XKR6: variants seen among roughly 807,000 people sequenced by gnomAD.
XKR6 encodes XK-related protein 6.
XKR6 carries 22 observed loss-of-function variants against 56.7 expected under a neutral mutation model. The ratio of observed to expected loss-of-function variants is 0.39; its 90% CI spans 0.28 to 0.55. The LOEUF is 0.55. XKR6 is among the 20% of genes least tolerant of loss of function. XKR6 has a pLI of 0.66. For missense variants in XKR6, 852 were observed against 889.0 expected (o/e 0.96, Z 0.53); for synonymous variants, 524 against 387.8 (o/e 1.35, Z -4.13).
chr8:11,106,875 T>C (rs1163641703), intron 1 of XKR6, among the ~76,000 whole-genome samples: 1 of 81,064 alleles, frequency 1.2e-5, no homozygotes, highest in Non-Finnish European at 2.6e-5. Context: ...ATAAAAAAGA[T>C]ACAACGTTAC....
At chr8:11,197,900 T>C (rs1262432530) in intron 1 of XKR6, among the ~76,000 whole-genome samples, 2 of 152,228 alleles carry the variant, frequency 1.3e-5, no homozygotes, top group Non-Finnish European at 2.9e-5. Context: ...ACCAAATAAT[T>C]TTACATTAAA....
chr8:10,950,240 T>C (rs1801677184), intron 1 of XKR6, among the ~76,000 whole-genome samples: 1 of 152,136 alleles, frequency 6.6e-6, no homozygotes, highest in Non-Finnish European at 1.5e-5. Context: ...CAATGGATAG[T>C]GCAGGGGGCT....
chr8:10,950,954 C>T (rs1458572248), intron 1 of XKR6, among the ~76,000 whole-genome samples: 3 of 152,190 alleles, frequency 2.0e-5, no homozygotes, highest in Non-Finnish European at 4.4e-5. Flanking sequence ...TTGCCCAAGG[C>T]CACACAGCAA....
At chr8:11,169,149 C>T (rs536708080) in intron 1 of XKR6, among the ~76,000 whole-genome samples, 1 of 152,118 alleles carries the variant, frequency 6.6e-6, no homozygotes, top group South Asian at 2.1e-4. Context: ...TCCATAAAAA[C>T]CCCAAATCTA....
chr8:10,898,110 G>C lies in XKR6; in HGVS notation c.1768C>G (p.Pro590Ala), dbSNP rs1799937718. The change falls in exon 3 of 3, where the codon CCA becomes GCA. Residue 590 changes from proline to alanine, a missense_variant. Around this residue, in one of 4 missense-constraint regions of XKR6, gnomAD observed 197 missense variants for 190.9 expected, o/e 1.03. Transcript: ENST00000416569. This position sits in a 1 kb window ranked among gnomAD's most constrained non-coding sequence, Gnocchi z 6.6. ...TCCCAAGCTGGGTATCGCTTTCTTGGCATGTCAATCTTAATGAGGGGCCCT... is the reference window on the plus strand; with the variant it reads ...TCCCAAGCTGGGTATCGCTTTCTTGCCATGTCAATCTTAATGAGGGGCCCT... Reference protein sequence around the residue: ...PEGPLIKIDMPRKRYPAWDAH... With the variant: ...PEGPLIKIDMARKRYPAWDAH... 7 of 1,614,128 alleles carry C rather than the reference G, an allele frequency of 4.3e-6. No individual in the cohort carries two copies. The highest frequency in any genetic ancestry group is 2.2e-5 in the East Asian group (1 of 44,884).
intron 1 of XKR6, among the ~76,000 whole-genome samples, chr8:11,013,937 G>A (rs1255338571): frequency 1.3e-5 from 2 of 152,196 alleles, no homozygotes; most frequent in African/African-American, 2.4e-5. Context: ...ATCCAGGCCC[G>A]CAGGACAGAC....
At chr8:10,943,353 C>G (rs1801442377) in intron 1 of XKR6, among the ~76,000 whole-genome samples, 1 of 152,150 alleles carries the variant, frequency 6.6e-6, no homozygotes, top group Non-Finnish European at 1.5e-5. Context: ...ACCTGGGTGG[C>G]CTCCATTGCC....
rs148372004 is a variant in XKR6, at chr8:11,052,998, C to T, written c.765-128168G>A. 8.1e-4 allele frequency among the ~76,000 whole-genome samples: 123 copies of T among 152,288 alleles called. 3 individuals carry two copies. Among genetic ancestry groups the T allele is most frequent in the African/African-American group, 2.9e-3 (120 of 41,554 alleles). On this transcript the variant is annotated intron_variant, in intron 1 of 2. Coordinates refer to ENST00000416569, the MANE Select transcript of XKR6 (RefSeq NM_173683.4). Reference sequence around the variant, plus strand: ...TGCTGAGGGGCTCAGTCAGGGGTGCCAGAGAGCACTGCGCGGGGTCCAGCC... The same window carrying T: ...TGCTGAGGGGCTCAGTCAGGGGTGCTAGAGAGCACTGCGCGGGGTCCAGCC...
At chr8:10,992,673 A>G (rs578160007) in intron 1 of XKR6, among the ~76,000 whole-genome samples, 14 of 152,222 alleles carry the variant, frequency 9.2e-5, no homozygotes, top group African/African-American at 3.4e-4. Flanking sequence ...CTCACCATTG[A>G]CCTTGAACAA....
At chr8:11,191,533 T>C (rs77056182) in intron 1 of XKR6, among the ~76,000 whole-genome samples, 4,879 of 152,216 alleles carry the variant, frequency 0.032, 238 homozygotes, top group African/African-American at 0.11. Context: ...AAGAAAGCAG[T>C]ACTTCTGACA....
intron 1 of XKR6, among the ~76,000 whole-genome samples, chr8:11,099,421 C>G (rs1003787607): frequency 1.3e-5 from 2 of 152,220 alleles, no homozygotes; most frequent in African/African-American, 4.8e-5. Context: ...GAATTTTAGG[C>G]TCTGGCTTCA....
intron 1 of XKR6, among the ~76,000 whole-genome samples, chr8:11,174,584 A>C (rs1802561264): frequency 6.6e-6 from 1 of 152,224 alleles, no homozygotes; most frequent in Non-Finnish European, 1.5e-5. Flanking sequence ...TTATTAGAAG[A>C]TTATTATAAT....
At chr8:11,198,426 T>C (rs1323509414) in intron 1 of XKR6, among the ~76,000 whole-genome samples, 1 of 151,424 alleles carries the variant, frequency 6.6e-6, no homozygotes, top group African/African-American at 2.4e-5. Context: ...TATTTAGAGA[T>C]ATATTCTAAT....
intron 1 of XKR6, among the ~76,000 whole-genome samples, chr8:10,938,407 G>C (rs907933296): frequency 6.6e-6 from 1 of 152,102 alleles, no homozygotes; most frequent in Non-Finnish European, 1.5e-5. Flanking sequence ...GTTCCTATTC[G>C]GCCATCTTGG....
intron 1 of XKR6, among the ~76,000 whole-genome samples, chr8:11,152,472 G>A (rs1347205431): frequency 1.3e-5 from 2 of 152,110 alleles, no homozygotes; most frequent in Non-Finnish European, 2.9e-5. Flanking sequence ...AGAGTCTGAA[G>A]GAAGGAAAGA....
chr8:11,111,979 A>T (rs560298467), intron 1 of XKR6: 1 of 152,370 alleles, frequency 6.6e-6, no homozygotes, highest in Non-Finnish European at 1.5e-5. Context: ...TAATTTTCAA[A>T]ACATTTTAAG....
intron 1 of XKR6, among the ~76,000 whole-genome samples, chr8:11,082,549 C>A (rs1279036631): frequency 6.6e-6 from 1 of 152,236 alleles, no homozygotes; most frequent in Non-Finnish European, 1.5e-5. Context: ...GTCCTTCTGA[C>A]TAGGTTACAT....
At chr8:10,943,072 G>C (rs986139452) in intron 1 of XKR6, among the ~76,000 whole-genome samples, 2 of 152,160 alleles carry the variant, frequency 1.3e-5, no homozygotes, top group Admixed American at 1.3e-4. Flanking sequence ...TACCCATCTG[G>C]GGCTCTTCTA....
intron 1 of XKR6, among the ~76,000 whole-genome samples, chr8:11,045,358 G>A (rs943355531): frequency 1.2e-4 from 19 of 152,022 alleles, no homozygotes; most frequent in Admixed American, 9.2e-4. Flanking sequence ...AGAGTGCTGG[G>A]ATTATAGGTG....
Sources: allele counts gnomAD v4.1 joint callset (sites outside exome capture counted in the v4.1 genomes callset), GRCh38; gene constraint gnomAD v4.1.1; regional missense constraint gnomAD v4.1.1; non-coding constraint Gnocchi (gnomAD v3.1); transcripts MANE v1.5; gene names NCBI Gene and HGNC (gene_info 2026-07-23, HGNC 2026-07-21).